CIMAP3: variants seen among roughly 807,000 people sequenced by gnomAD.
CIMAP3 encodes the protein ciliary microtubule associated protein 3.
chr1:111,338,104 C>T, the CIMAP3 span, among the ~76,000 whole-genome samples: 1 of 149,356 alleles, frequency 6.7e-6, no homozygotes, highest in Admixed American at 6.7e-5. Context: ...CTACTGGGTA[C>T]ATAACGAAAT....
At chr1:111,348,200 T>C in the CIMAP3 span, 1 of 253,334 alleles carries the variant, frequency 3.9e-6, no homozygotes, top group Non-Finnish European at 7.6e-6. Context: ...ACACTTGAGC[T>C]TAGGGAGCAG....
At chr1:111,347,190 T>C in the CIMAP3 span, 1 of 997,170 alleles carries the variant, frequency 1.0e-6, no homozygotes, top group Non-Finnish European at 1.4e-6. Context: ...TCTGTTCTTC[T>C]GCAAGCAGCT....
At chr1:111,338,741 C>A in the CIMAP3 span, among the ~76,000 whole-genome samples, 3 of 151,874 alleles carry the variant, frequency 2.0e-5, no homozygotes, top group Non-Finnish European at 4.4e-5. Flanking sequence ...GAGTCCAGGA[C>A]CAGATGGATT....
At chr1:111,330,042 G>T in the CIMAP3 span, among the ~76,000 whole-genome samples, 8 of 145,200 alleles carry the variant, frequency 5.5e-5, no homozygotes, top group Non-Finnish European at 1.1e-4. Flanking sequence ...AGATCCATTA[G>T]GTTCTTTTTT....
At chr1:111,344,183 A>T in the CIMAP3 span, among the ~76,000 whole-genome samples, 3 of 152,234 alleles carry the variant, frequency 2.0e-5, no homozygotes, top group South Asian at 6.2e-4. Context: ...TTTGTTTATT[A>T]CATGCAATAA....
chr1:111,326,527 T>C, the CIMAP3 span, among the ~76,000 whole-genome samples: 1,204 of 152,304 alleles, frequency 7.9e-3, 16 homozygotes, highest in African/African-American at 0.027. Flanking sequence ...ATATACTACA[T>C]TTTCTCTATC....
At chr1:111,345,386 T>C in the CIMAP3 span, among the ~76,000 whole-genome samples, 11,697 of 152,280 alleles carry the variant, frequency 0.077, 563 homozygotes, top group African/African-American at 0.13. Flanking sequence ...TGTATATAAC[T>C]ACTACTAATT....
At chr1:111,329,713 C>A in the CIMAP3 span, among the ~76,000 whole-genome samples, 1 of 151,548 alleles carries the variant, frequency 6.6e-6, no homozygotes, top group Non-Finnish European at 1.5e-5. Flanking sequence ...CACCACCATG[C>A]CTGGCTAATT....
the CIMAP3 span, chr1:111,350,153 G>C: frequency 4.3e-6 from 7 of 1,614,000 alleles, no homozygotes; most frequent in East Asian, 1.3e-4. Context: ...AAAATTGCCT[G>C]GCCAATGAAA....
chr1:111,346,565 C>T, the CIMAP3 span: 5 of 1,600,120 alleles, frequency 3.1e-6, no homozygotes, highest in South Asian at 2.2e-5. Flanking sequence ...CCCTCTCCCC[C>T]TCCCCGCGCT....
At chr1:111,346,601 C>G in the CIMAP3 span, 3 of 1,613,056 alleles carry the variant, frequency 1.9e-6, no homozygotes, top group South Asian at 1.1e-5. Context: ...ACGGGACTAG[C>G]CTTCGTTTCC....
At chr1:111,343,089 A>T in the CIMAP3 span, among the ~76,000 whole-genome samples, 1 of 152,266 alleles carries the variant, frequency 6.6e-6, no homozygotes, top group South Asian at 2.1e-4. Context: ...TTAAACCCAT[A>T]CATTGAATTA....
At chr1:111,336,437 T>G in the CIMAP3 span, among the ~76,000 whole-genome samples, 2 of 152,040 alleles carry the variant, frequency 1.3e-5, no homozygotes, top group African/African-American at 4.8e-5. Context: ...GGCAAAGAAG[T>G]TAAAAAATTT....
chr1:111,351,459 C>A, the CIMAP3 span: 1 of 661,336 alleles, frequency 1.5e-6, no homozygotes, highest in Non-Finnish European at 2.5e-6. Flanking sequence ...GGGACAGGGG[C>A]TTATAGCTGC....
the CIMAP3 span, among the ~76,000 whole-genome samples, chr1:111,329,041 T>A: frequency 6.6e-6 from 1 of 152,234 alleles, no homozygotes; most frequent in African/African-American, 2.4e-5. Flanking sequence ...AAGGCAGACC[T>A]GGTAATGAAT....
chr1:111,330,096 G>T, the CIMAP3 span, among the ~76,000 whole-genome samples: 3 of 152,046 alleles, frequency 2.0e-5, no homozygotes, highest in Non-Finnish European at 2.9e-5. Flanking sequence ...GCTTTATTGT[G>T]ATTTTTATTT....
At chr1:111,325,188 T>TA in the CIMAP3 span, among the ~76,000 whole-genome samples, 1 of 152,232 alleles carries the variant, frequency 6.6e-6, no homozygotes, top group Admixed American at 6.5e-5. Context: ...ATACCAAATA[T>TA]AGGTTAGTCC....
the CIMAP3 span, among the ~76,000 whole-genome samples, chr1:111,337,771 G>C: frequency 0.045 from 6,801 of 152,166 alleles, 320 homozygotes; most frequent in African/African-American, 0.11. Context: ...CCCACTGTCA[G>C]CATTAGACAG....
chr1:111,340,528 C>T, the CIMAP3 span, among the ~76,000 whole-genome samples: 1 of 151,888 alleles, frequency 6.6e-6, no homozygotes, highest in East Asian at 1.9e-4. Context: ...CAAACAACCC[C>T]ATCAAAAAGT....
Sources: allele counts gnomAD v4.1 joint callset (sites outside exome capture counted in the v4.1 genomes callset), GRCh38; gene constraint gnomAD v4.1.1; transcripts MANE v1.5; gene names NCBI Gene and HGNC (gene_info 2026-07-23, HGNC 2026-07-21).